Variants in PHACTR1 observed in about 807,000 individuals in gnomAD.
The protein encoded by PHACTR1 is phosphatase and actin regulator 1, also known as RPEL repeat containing 1.
Under a neutral mutation model 69.2 loss-of-function variants are expected in PHACTR1, and 16 were observed. The observed-to-expected ratio is 0.23, with a 90% CI of 0.16 to 0.35. PHACTR1 has a LOEUF of 0.35. Among genes scored for constraint, PHACTR1 ranks in the 10% least tolerant of loss-of-function variants. The pLI, the probability that PHACTR1 is intolerant of heterozygous loss-of-function variation, is 1.00. For synonymous variants in PHACTR1, 312 were observed against 284.5 expected, an observed-to-expected ratio of 1.10 and a Z score of -0.97; for missense variants, 510 against 734.7, an observed-to-expected ratio of 0.69 and a Z score of 3.54.
intron 4 of PHACTR1, among the ~76,000 whole-genome samples, chr6:13,032,094 C>T (rs111290668): frequency 0.029 from 4,346 of 152,258 alleles, 86 homozygotes; most frequent in South Asian, 0.085. Flanking sequence ...AATATGTTAC[C>T]TAATGCTGCA....
chr6:12,743,781 G>C (rs914991883), intron 3 of PHACTR1, among the ~76,000 whole-genome samples: 14 of 152,146 alleles, frequency 9.2e-5, no homozygotes, highest in African/African-American at 3.4e-4. Context: ...TCCAGGAATT[G>C]AACTCAGCTC....
At chr6:13,190,643 C>T (rs1387637507) in intron 7 of PHACTR1, among the ~76,000 whole-genome samples, 1 of 151,956 alleles carries the variant, frequency 6.6e-6, no homozygotes, top group Non-Finnish European at 1.5e-5. Flanking sequence ...GAGTCAGGAG[C>T]AGGGGTAAAC....
At chr6:13,119,482 G>A (rs1424051933) in intron 5 of PHACTR1, among the ~76,000 whole-genome samples, 1 of 152,228 alleles carries the variant, frequency 6.6e-6, no homozygotes, top group Non-Finnish European at 1.5e-5. Flanking sequence ...GCTCTGTGAT[G>A]TATGGGGAGT....
chr6:13,021,716 C>A (rs1370254333), intron 4 of PHACTR1, among the ~76,000 whole-genome samples: 1 of 152,196 alleles, frequency 6.6e-6, no homozygotes, highest in Non-Finnish European at 1.5e-5. Context: ...GGATGATAGC[C>A]ACCCTGCAGG....
At chr6:12,761,530 G>A (rs562838858) in intron 4 of PHACTR1, among the ~76,000 whole-genome samples, 85 of 152,312 alleles carry the variant, frequency 5.6e-4, no homozygotes, top group African/African-American at 1.9e-3. Context: ...ACTTCTTAGT[G>A]TGGTCTTGAC....
intron 13 of PHACTR1, 102 bp from the exon 14 acceptor site, chr6:13,286,044 T>C: frequency 1.0e-6 from 1 of 962,092 alleles, no homozygotes; most frequent in Non-Finnish European, 1.5e-6. Flanking sequence ...AACTTGTTTG[T>C]CTTTGTTGAA....
intron 5 of PHACTR1, among the ~76,000 whole-genome samples, chr6:13,149,655 CAGAG>C (rs1007050291): frequency 2.0e-5 from 3 of 152,088 alleles, no homozygotes; most frequent in South Asian, 2.1e-4. Context: ...GAGGGGCTAA[CAGAG>C]AGCAGAGATC....
intron 4 of PHACTR1, among the ~76,000 whole-genome samples, chr6:13,051,204 C>T (rs143941870): frequency 6.6e-6 from 1 of 152,196 alleles, no homozygotes; most frequent in African/African-American, 2.4e-5. Context: ...TTCTGGCATA[C>T]TCTATAATTT....
At chr6:13,255,072 C>T (rs1774990609) in intron 10 of PHACTR1, among the ~76,000 whole-genome samples, 1 of 152,086 alleles carries the variant, frequency 6.6e-6, no homozygotes. Flanking sequence ...CTGCAGGTTG[C>T]GCAGGAAACA....
At chr6:13,231,618 T>C (rs989752652) in intron 10 of PHACTR1, among the ~76,000 whole-genome samples, 4 of 152,246 alleles carry the variant, frequency 2.6e-5, no homozygotes, top group Non-Finnish European at 4.4e-5. Context: ...GTAGTGATGC[T>C]TCATTACTCC....
At chr6:13,171,194 A>G (rs1223550) in intron 6 of PHACTR1, among the ~76,000 whole-genome samples, 43,189 of 147,312 alleles carry the variant, frequency 0.29, 6,849 homozygotes, top group South Asian at 0.49. Context: ...CTTCCGCCCA[A>G]GTAGAGCCGA....
intron 4 of PHACTR1, among the ~76,000 whole-genome samples, chr6:12,993,111 G>T (rs1031003375): frequency 6.6e-6 from 1 of 152,164 alleles, no homozygotes; most frequent in South Asian, 2.1e-4. Context: ...CTTCTAGCTT[G>T]CTTATCTATG....
chr6:12,876,015 T>C (rs1782498680), intron 4 of PHACTR1, among the ~76,000 whole-genome samples: 1 of 152,182 alleles, frequency 6.6e-6, no homozygotes, highest in African/African-American at 2.4e-5. Flanking sequence ...AATCAGTCCA[T>C]TGAAGCTTTT....
chr6:13,205,981 T>C lies in PHACTR1; in HGVS notation c.831T>C (p.Thr277=). The part of the protein sequence containing the change: ...GQQGVAQHHH[T]VLPSQIQHQL... ...AGGGTGTGGCCCAGCACCACCACAC[T>C]GTCCTGCCCTCCCAGATCCAGCACC... is the stretch of plus-strand genomic sequence containing the variant. Residue 277 remains threonine (T), a synonymous_variant, in exon 8 of 15, where the codon ACT becomes ACC. Transcript: ENST00000332995. 1.2e-6 allele frequency: 2 copies of C among 1,614,026 alleles called. No individual in the cohort carries two copies. Among genetic ancestry groups the C allele is most frequent in the Non-Finnish European group, 1.7e-6 (2 of 1,179,904 alleles).
At chr6:13,090,280 A>C (rs1813041887) in intron 5 of PHACTR1, among the ~76,000 whole-genome samples, 1 of 150,226 alleles carries the variant, frequency 6.7e-6, no homozygotes, top group Non-Finnish European at 1.5e-5. Context: ...TCCTGACCTC[A>C]GATGATCCAC....
intron 4 of PHACTR1, among the ~76,000 whole-genome samples, chr6:12,921,784 G>GAGGGAGGGAAGAAGGA (rs1787728458): frequency 7.3e-6 from 1 of 136,374 alleles, no homozygotes; most frequent in Non-Finnish European, 1.6e-5. Context: ...GAGAAACAGG[G>GAGGGAGGGAAGAAGGA]AGGGAGGGAA....
At chr6:12,945,106 T>C (rs1790532518) in intron 4 of PHACTR1, among the ~76,000 whole-genome samples, 1 of 152,114 alleles carries the variant, frequency 6.6e-6, no homozygotes, top group Admixed American at 6.6e-5. Flanking sequence ...TGCCATGCTC[T>C]CTCTGGTTTT....
At chr6:13,222,155 T>A (rs548266940) in intron 8 of PHACTR1, among the ~76,000 whole-genome samples, 1 of 152,166 alleles carries the variant, frequency 6.6e-6, no homozygotes, top group Non-Finnish European at 1.5e-5. Context: ...ACACAACCCA[T>A]GTGCAATGAA....
At chr6:13,014,869 G>T (rs780462178) in intron 4 of PHACTR1, among the ~76,000 whole-genome samples, 4 of 152,232 alleles carry the variant, frequency 2.6e-5, no homozygotes, top group Non-Finnish European at 4.4e-5. Context: ...CCCAGAGCGA[G>T]GGACCGCCGG....
Sources: allele counts gnomAD v4.1 joint callset (sites outside exome capture counted in the v4.1 genomes callset), GRCh38; gene constraint gnomAD v4.1.1; transcripts MANE v1.5; gene names NCBI Gene and HGNC (gene_info 2026-07-23, HGNC 2026-07-21).